The following ZNF385D variants were observed in gnomAD, a reference collection of about 807,000 sequenced individuals.
ZNF385D encodes zinc finger protein 659.
ZNF385D carries 15 observed loss-of-function variants against 35.8 expected under a neutral mutation model. That is an observed-to-expected ratio of 0.42 (90% CI 0.28 to 0.64). ZNF385D has a LOEUF of 0.64. ZNF385D is among the 30% of genes least tolerant of loss of function. ZNF385D has a pLI of 0.23. For missense variants in ZNF385D, 474 were observed against 494.6 expected, an observed-to-expected ratio of 0.96 and a Z score of 0.39; for synonymous variants, 212 against 186.8, an observed-to-expected ratio of 1.13 and a Z score of -1.10.
intron 2 of ZNF385D, among the ~76,000 whole-genome samples, chr3:21,632,066 CAGGCACTATTCT>C (rs1359776857): frequency 3.3e-5 from 5 of 152,060 alleles, no homozygotes; most frequent in African/African-American, 1.2e-4. Context: ...AAATGTGCGT[CAGGCACTATTCT>C]AGGCACTGTG....
chr3:22,360,527 T>A (rs1696364365), intron 2 of ZNF385D, among the ~76,000 whole-genome samples: 1 of 151,966 alleles, frequency 6.6e-6, no homozygotes, highest in African/African-American at 2.4e-5. Context: ...AATAATATAT[T>A]AATTTTATCA....
chr3:21,468,784 C>A (rs944747028), intron 4 of ZNF385D, among the ~76,000 whole-genome samples: 1 of 151,928 alleles, frequency 6.6e-6, no homozygotes, highest in East Asian at 1.9e-4. Flanking sequence ...ATTAGCCGGG[C>A]GTAGTGGTGC....
rs116273747 is a variant in ZNF385D at position 21,611,910 on chromosome 3, C to T, written c.166-47226G>A. On this transcript the variant is annotated intron_variant, in intron 2 of 7. Transcript: ENST00000281523. ...AACGAAATTATTTTGCTTGTTGTAC[C>T]TCAGTATACTTTTATAAAGACTAGA... Among the ~76,000 whole-genome samples the T allele has an allele frequency of 6.5e-3, 986 of 151,940 alleles. 16 individuals are homozygous for T. Among genetic ancestry groups the T allele is most frequent in the African/African-American group, 0.023 (952 of 41,400 alleles).
intron 3 of ZNF385D, among the ~76,000 whole-genome samples, chr3:22,157,951 T>G (rs983558426): frequency 1.3e-5 from 2 of 152,088 alleles, no homozygotes; most frequent in Non-Finnish European, 2.9e-5. Flanking sequence ...TTACAAAAGT[T>G]CCCTGGGAAT....
At chr3:21,735,083 G>A (rs910461683) in intron 1 of ZNF385D, among the ~76,000 whole-genome samples, 16 of 152,078 alleles carry the variant, frequency 1.1e-4, no homozygotes, top group Non-Finnish European at 1.8e-4. Flanking sequence ...AGACTCTGCC[G>A]AGTGCAGAGA....
intron 3 of ZNF385D, among the ~76,000 whole-genome samples, chr3:21,931,893 G>A (rs1701026104): frequency 6.6e-6 from 1 of 151,940 alleles, no homozygotes; most frequent in South Asian, 2.1e-4. Context: ...CGGGCGCGGT[G>A]GCTCACACCT....
chr3:21,478,159 G>A (rs988116015), intron 4 of ZNF385D, among the ~76,000 whole-genome samples: 1 of 152,078 alleles, frequency 6.6e-6, no homozygotes, highest in African/African-American at 2.4e-5. Context: ...CATAACTTCA[G>A]CCTAAATACC....
At chr3:21,761,032 A>T (rs2070585670) in intron 3 of ZNF385D, among the ~76,000 whole-genome samples, 1 of 152,166 alleles carries the variant, frequency 6.6e-6, no homozygotes, top group Non-Finnish European at 1.5e-5. Context: ...TGTATCATAC[A>T]CTTTAGGAAT....
chr3:21,448,368 C>G (rs547682349), intron 4 of ZNF385D, among the ~76,000 whole-genome samples: 4 of 152,134 alleles, frequency 2.6e-5, no homozygotes, highest in Admixed American at 1.3e-4. Context: ...CTCAAACTAC[C>G]CATCATTTCA....
intron 3 of ZNF385D, among the ~76,000 whole-genome samples, chr3:21,962,181 G>C (rs1489501760): frequency 1.3e-5 from 2 of 152,118 alleles, no homozygotes; most frequent in African/African-American, 4.8e-5. Flanking sequence ...GATATTGCTG[G>C]GAAGAGATGA....
chr3:21,614,092 T>G (rs1383839177), intron 2 of ZNF385D, among the ~76,000 whole-genome samples: 1 of 152,210 alleles, frequency 6.6e-6, no homozygotes, highest in East Asian at 1.9e-4. Flanking sequence ...ATTAGTTTTC[T>G]AGGGCTGCCA....
intron 2 of ZNF385D, among the ~76,000 whole-genome samples, chr3:22,267,916 C>A (rs116726803): frequency 1.3e-5 from 2 of 151,828 alleles, no homozygotes; most frequent in East Asian, 1.9e-4. Flanking sequence ...AAGTAAAAAA[C>A]GAAAAACAAA....
chr3:21,607,847 T>G (rs2125780950), intron 2 of ZNF385D, among the ~76,000 whole-genome samples: 1 of 152,238 alleles, frequency 6.6e-6, no homozygotes, highest in East Asian at 1.9e-4. Context: ...ATGTCCCTGA[T>G]AGCTTTCTGG....
intron 2 of ZNF385D, among the ~76,000 whole-genome samples, chr3:22,173,789 G>C (rs2125766778): frequency 6.6e-6 from 1 of 152,244 alleles, no homozygotes; most frequent in African/African-American, 2.4e-5. Context: ...CCAGCCCTCT[G>C]TGAAAAGCTC....
At chr3:22,023,954 T>C (rs1014178719) in intron 3 of ZNF385D, among the ~76,000 whole-genome samples, 5 of 152,114 alleles carry the variant, frequency 3.3e-5, no homozygotes, top group African/African-American at 4.8e-5. Context: ...TCAACTTGAT[T>C]GGATTGAAGG....
chr3:22,170,081 T>C (rs11929229), intron 2 of ZNF385D, among the ~76,000 whole-genome samples: 20,946 of 152,204 alleles, frequency 0.14, 1,491 homozygotes, highest in Middle Eastern at 0.24. Context: ...CAAGCCTCTC[T>C]AGCACACTAT....
chr3:22,254,917 A>G (rs1700236853), intron 2 of ZNF385D, among the ~76,000 whole-genome samples: 1 of 151,828 alleles, frequency 6.6e-6, no homozygotes, highest in South Asian at 2.1e-4. Context: ...ATTGACTAAC[A>G]TGGGGGTAGT....
chr3:22,220,185 A>T (rs534457000), intron 2 of ZNF385D, among the ~76,000 whole-genome samples: 164 of 151,414 alleles, frequency 1.1e-3, no homozygotes, highest in Non-Finnish European at 1.9e-3. Context: ...CACCTCAGCC[A>T]CCTGAGTCAC....
chr3:22,120,964 T>C (rs1437072395), intron 3 of ZNF385D, among the ~76,000 whole-genome samples: 2 of 152,194 alleles, frequency 1.3e-5, no homozygotes, highest in Non-Finnish European at 2.9e-5. Context: ...GTATTTTTCT[T>C]CTGACTAGAC....
Sources: allele counts gnomAD v4.1 joint callset (sites outside exome capture counted in the v4.1 genomes callset), GRCh38; gene constraint gnomAD v4.1.1; transcripts MANE v1.5; gene names NCBI Gene and HGNC (gene_info 2026-07-23, HGNC 2026-07-21).